TTC6: variants seen among roughly 807,000 people sequenced by gnomAD.
The protein encoded by TTC6 is tetratricopeptide repeat domain 6, also known as tetratricopeptide repeat protein 6.
A neutral mutation model predicts 210.4 loss-of-function variants in TTC6; 172 were observed. The observed-to-expected ratio is 0.82, with a 90% confidence interval of 0.72 to 0.93. The LOEUF is 0.93. TTC6 is among the 40% of genes least tolerant of loss of function. The probability of loss-of-function intolerance (pLI) is 0.00; values close to 1 mark genes in which losing one functional copy is unlikely to be tolerated. For synonymous variants in TTC6, 804 were observed against 819.6 expected (o/e 0.98, Z 0.32); for missense variants, 2,414 against 2,318.1 (o/e 1.04, Z -0.85).
In TTC6 at chr14:37,807,301, TC is replaced by T. The variant is rs2096120358; in HGVS notation, c.4315-18del. The T allele has an allele frequency of 2.7e-6, 4 of 1,480,232 alleles. No individual in the cohort carries two copies. Among genetic ancestry groups the T allele is most frequent in the Non-Finnish European group, 3.6e-6 (4 of 1,107,996 alleles). 91.7% of individuals were successfully genotyped at this position (1,480,232 alleles called of 1,614,324 possible). ...TACTAAAGCATCCATTCCTGCTTTC[TC>T]TCTCTCTCTCTGAATAGGCATATTT... On this transcript the variant is annotated intron_variant, in intron 22 of 30. Coordinates refer to ENST00000553443, the Ensembl canonical transcript of TTC6.
At chr14:37,622,962 A>G in exon 1 of TTC6, 1 of 1,512,190 alleles carries the variant, frequency 6.6e-7, no homozygotes, top group Non-Finnish European at 8.8e-7. Flanking sequence ...CAAAGAGCTC[A>G]TACGGAGCGT....
intron 1 of TTC6, among the ~76,000 whole-genome samples, chr14:37,633,045 T>C (rs2095673063): frequency 6.6e-6 from 1 of 152,234 alleles, no homozygotes; most frequent in South Asian, 2.1e-4. Context: ...CCAGTGGATC[T>C]TAGCTCGCTG....
chr14:37,841,149 G>A (rs995596841), intron 29 of TTC6, among the ~76,000 whole-genome samples: 2 of 152,154 alleles, frequency 1.3e-5, no homozygotes, highest in African/African-American at 2.4e-5. Flanking sequence ...GATTACAGAC[G>A]TGAGCCACTG....
At chr14:37,787,790 G>A (rs534929924) in intron 15 of TTC6, among the ~76,000 whole-genome samples, 153 bp downstream of exon 17, 11 of 151,812 alleles carry the variant, frequency 7.2e-5, no homozygotes, top group African/African-American at 2.2e-4. Flanking sequence ...ATGAGCTTAC[G>A]CATTTTAATA....
chr14:37,733,926 A>G (rs181136296), intron 7 of TTC6, among the ~76,000 whole-genome samples: 2 of 152,172 alleles, frequency 1.3e-5, no homozygotes, highest in Admixed American at 1.3e-4. Flanking sequence ...TGTGTATAAT[A>G]TATTGTTAAA....
intron 1 of TTC6, among the ~76,000 whole-genome samples, chr14:37,649,463 G>T (rs2095707366): frequency 6.6e-6 from 1 of 152,138 alleles, no homozygotes; most frequent in Admixed American, 6.5e-5. Flanking sequence ...AACTTCCTCT[G>T]GGCCAGGAAT....
chr14:37,738,988 C>G, exon 10 of TTC6: 1 of 1,535,502 alleles, frequency 6.5e-7, no homozygotes, highest in African/African-American at 1.4e-5. Flanking sequence ...GCGAAAAACA[C>G]AGTTTGAGAA....
exon 25 of TTC6, chr14:37,812,377 T>G: frequency 1.2e-6 from 2 of 1,613,500 alleles, no homozygotes; most frequent in Non-Finnish European, 1.7e-6. Context: ...ACTAAATACC[T>G]TCCTTAATCG....
At chr14:37,661,375 A>G (rs968951619) in intron 1 of TTC6, among the ~76,000 whole-genome samples, 6 of 152,020 alleles carry the variant, frequency 3.9e-5, no homozygotes, top group Non-Finnish European at 1.5e-5. Flanking sequence ...TCCAGTTTCA[A>G]TTTTCTGCAA....
exon 5 of TTC6, chr14:37,701,401 T>C (rs765766537): frequency 2.6e-6 from 4 of 1,532,696 alleles, no homozygotes; most frequent in South Asian, 1.2e-5. Flanking sequence ...AGGAGCTGCC[T>C]GTTGACTTGC....
intron 1 of TTC6, among the ~76,000 whole-genome samples, chr14:37,648,956 T>G (rs1193322976): frequency 6.6e-6 from 1 of 152,078 alleles, no homozygotes; most frequent in African/African-American, 2.4e-5. Flanking sequence ...AACAGAGATG[T>G]GCAAGAATCA....
chr14:37,831,442 G>A (rs186377770), intron 29 of TTC6, among the ~76,000 whole-genome samples: 1 of 152,184 alleles, frequency 6.6e-6, no homozygotes, highest in Admixed American at 6.5e-5. Flanking sequence ...TATATACCCA[G>A]CAATGGAATT....
At chr14:37,733,984 CTGTTA>C (rs2138904341) in intron 7 of TTC6, among the ~76,000 whole-genome samples, 1 of 152,120 alleles carries the variant, frequency 6.6e-6, no homozygotes, top group East Asian at 1.9e-4. Context: ...TTCCCTAAAT[CTGTTA>C]TGTTATGGTG....
chr14:37,614,666 A>T (rs552827454), intron 2 of TTC6, among the ~76,000 whole-genome samples: 1 of 150,086 alleles, frequency 6.7e-6, no homozygotes, highest in Non-Finnish European at 1.5e-5. Flanking sequence ...TAATCTGAAT[A>T]TGTCTTTATT....
At chr14:37,708,380 A>G (rs763913592) in intron 5 of TTC6, among the ~76,000 whole-genome samples, 1 of 152,080 alleles carries the variant, frequency 6.6e-6, no homozygotes, top group Non-Finnish European at 1.5e-5. Context: ...TACATTTATT[A>G]TATAATTTTG....
intron 10 of TTC6, among the ~76,000 whole-genome samples, chr14:37,748,625 C>T (rs963817466): frequency 3.3e-5 from 5 of 151,884 alleles, no homozygotes; most frequent in Non-Finnish European, 7.4e-5. Flanking sequence ...TTCCTTAATT[C>T]TCCATTGTAA....
chr14:37,710,813 A>G (rs1393051647), intron 5 of TTC6, among the ~76,000 whole-genome samples: 1 of 152,158 alleles, frequency 6.6e-6, no homozygotes, highest in Non-Finnish European at 1.5e-5. Context: ...AAGTGTATCA[A>G]TTCCCAGGAT....
chr14:37,669,527 G>A (rs937270493), intron 1 of TTC6, among the ~76,000 whole-genome samples: 4 of 151,994 alleles, frequency 2.6e-5, no homozygotes, highest in Admixed American at 2.0e-4. Flanking sequence ...TTCCTTGCCC[G>A]AACTCCTTGG....
intron 1 of TTC6, among the ~76,000 whole-genome samples, chr14:37,605,283 A>G (rs949053638): frequency 6.6e-6 from 1 of 152,240 alleles, no homozygotes; most frequent in African/African-American, 2.4e-5. Context: ...GAAATGTCCC[A>G]CAAATTTTAG....
Sources: allele counts gnomAD v4.1 joint callset (sites outside exome capture counted in the v4.1 genomes callset), GRCh38; gene constraint gnomAD v4.1.1; transcripts MANE v1.5; gene names NCBI Gene and HGNC (gene_info 2026-07-23, HGNC 2026-07-21).